Variants in ASAP1 observed in about 807,000 individuals in gnomAD.
ASAP1 encodes the protein ArfGAP with SH3 domain, ankyrin repeat and PH domain 1.
ASAP1 carries 43 observed loss-of-function variants against 145.2 expected under a neutral mutation model. The ratio of observed to expected loss-of-function variants is 0.30; its 90% CI spans 0.23 to 0.38. The LOEUF (loss-of-function observed/expected upper bound fraction) is 0.38. Ranked by LOEUF, ASAP1 falls within the 10% of genes least tolerant of loss-of-function variation. The probability of loss-of-function intolerance (pLI) is 1.00; values close to 1 mark genes in which losing one functional copy is unlikely to be tolerated. For missense variants in ASAP1, 1,018 were observed against 1,355.3 expected, an observed-to-expected ratio of 0.75 and a Z score of 3.91; for synonymous variants, 546 against 515.5, an observed-to-expected ratio of 1.06 and a Z score of -0.80.
At chr8:130,095,073 TTAAG>T (rs1443152318) in intron 24 of ASAP1, among the ~76,000 whole-genome samples, 2 of 152,168 alleles carry the variant, frequency 1.3e-5, no homozygotes, top group African/African-American at 4.8e-5. Flanking sequence ...ATTTCAAAAA[TTAAG>T]TAATTGTGCG....
intron 2 of ASAP1, among the ~76,000 whole-genome samples, chr8:130,394,177 C>T (rs188751076): frequency 8.5e-5 from 13 of 152,296 alleles, no homozygotes; most frequent in Admixed American, 1.3e-4. Flanking sequence ...CTTTGACCAC[C>T]GGTGAGCTGG....
chr8:130,404,926 T>C (rs73425591), intron 1 of ASAP1, among the ~76,000 whole-genome samples: 16 of 152,104 alleles, frequency 1.1e-4, no homozygotes, highest in Middle Eastern at 3.4e-3. Flanking sequence ...TAGTCTGAAC[T>C]CAGATCAAAG....
chr8:130,140,689 A>T (rs567018479), intron 13 of ASAP1, among the ~76,000 whole-genome samples: 1 of 152,320 alleles, frequency 6.6e-6, no homozygotes, highest in African/African-American at 2.4e-5. Flanking sequence ...GACTTTTGCT[A>T]CATTAACATG....
Position 130,378,210 on chromosome 8 carries a change from C to T in ASAP1, c.60-20067G>A, listed in dbSNP as rs560666577. ...TAATAGGGTGGCCATGAGGATTAAA[C>T]GAGAGTGCCTCAATGCTGACAAATA... On this transcript the variant is annotated intron_variant, in intron 2 of 29. Transcript: ENST00000518721. Among the ~76,000 whole-genome samples, 46 of 152,286 alleles carry T rather than the reference C, an allele frequency of 3.0e-4. No individual in the cohort carries two copies. In the South Asian group the frequency reaches 8.7e-3, roughly 29 times the overall value.
intron 7 of ASAP1, among the ~76,000 whole-genome samples, chr8:130,182,740 A>G (rs555002025): frequency 6.6e-6 from 1 of 152,018 alleles, no homozygotes; most frequent in Non-Finnish European, 1.5e-5. Context: ...CAGAGGCACT[A>G]AGGAAGCAGA....
In ASAP1 at chr8:130,099,012, C is replaced by CTTTT. The variant is rs61047760; in HGVS notation, c.2402-6873_2402-6870dup. Among the ~76,000 whole-genome samples the CTTTT allele has an allele frequency of 2.0e-3, 229 of 116,090 alleles. 10 individuals are homozygous for CTTTT. Among genetic ancestry groups the CTTTT allele is most frequent in the African/African-American group, 1.6e-3 (51 of 31,428 alleles). 76.2% of individuals were successfully genotyped at this position (116,090 alleles called of 152,430 possible). On this transcript the variant is annotated intron_variant, in intron 24 of 29. Transcript: ENST00000518721. ...GCTCAATACTCTCTACTAATATAAG[C>CTTTT]TTTTTTTTTTTTTTTTTTGAGACAG...
At chr8:130,062,955 A>G (rs2097422544) in intron 27 of ASAP1, among the ~76,000 whole-genome samples, 1 of 152,180 alleles carries the variant, frequency 6.6e-6, no homozygotes, top group Non-Finnish European at 1.5e-5. Context: ...CCTGGGTGAC[A>G]GAGTGAGACT....
At chr8:130,282,095 G>A (rs1301451706) in intron 3 of ASAP1, among the ~76,000 whole-genome samples, 1 of 149,068 alleles carries the variant, frequency 6.7e-6, no homozygotes, top group Non-Finnish European at 1.5e-5. Context: ...GGAATGGCAT[G>A]GCAAAAATCG....
chr8:130,401,502 C>T (rs1407773589), intron 2 of ASAP1, among the ~76,000 whole-genome samples: 1 of 152,128 alleles, frequency 6.6e-6, no homozygotes, highest in East Asian at 1.9e-4. Flanking sequence ...ACCTCAGCCT[C>T]CTAAAGTGCT....
At chr8:130,055,535 TAAAA>T (rs5895033) in intron 29 of ASAP1, among the ~76,000 whole-genome samples, 2 of 121,568 alleles carry the variant, frequency 1.6e-5, no homozygotes. Flanking sequence ...TTCTAGCCAG[TAAAA>T]AAAAAAAAAA....
At chr8:130,431,386 C>T (rs1237133529) in intron 1 of ASAP1, among the ~76,000 whole-genome samples, 1 of 152,204 alleles carries the variant, frequency 6.6e-6, no homozygotes, top group Non-Finnish European at 1.5e-5. Flanking sequence ...GCTCCTGCCT[C>T]CTGCTCTGAC....
intron 1 of ASAP1, among the ~76,000 whole-genome samples, chr8:130,423,796 C>T (rs942339269): frequency 6.6e-5 from 10 of 151,926 alleles, no homozygotes; most frequent in Non-Finnish European, 1.3e-4. Context: ...TTTATCTTTT[C>T]TTGTTCTTTC....
chr8:130,407,261 C>A (rs539693210), intron 1 of ASAP1, among the ~76,000 whole-genome samples: 17 of 152,262 alleles, frequency 1.1e-4, no homozygotes, highest in East Asian at 3.9e-4. Flanking sequence ...CACTAAGGGA[C>A]CTTCTGAGAG....
At chr8:130,296,226 G>A (rs1276128949) in intron 3 of ASAP1, among the ~76,000 whole-genome samples, 3 of 152,204 alleles carry the variant, frequency 2.0e-5, no homozygotes, top group Admixed American at 6.5e-5. Flanking sequence ...TCCCCACTCT[G>A]GGGATGATGT....
At chr8:130,344,129 T>C (rs886900302) in intron 3 of ASAP1, among the ~76,000 whole-genome samples, 2 of 152,134 alleles carry the variant, frequency 1.3e-5, no homozygotes, top group African/African-American at 4.8e-5. Context: ...ATCCATACTA[T>C]GGGAAACTAC....
intron 22 of ASAP1, 56 bp downstream of exon 22, chr8:130,116,622 T>C: frequency 1.4e-6 from 2 of 1,451,462 alleles, no homozygotes; most frequent in Non-Finnish European, 9.6e-7. Flanking sequence ...CTTCTCAGAA[T>C]GACACTTTTA....
At chr8:130,433,769 G>A (rs1165801523) in intron 1 of ASAP1, among the ~76,000 whole-genome samples, 3 of 152,146 alleles carry the variant, frequency 2.0e-5, no homozygotes, top group South Asian at 2.1e-4. Flanking sequence ...TACCAGTTAC[G>A]TGCCAGGCAC....
In ASAP1 at chr8:130,180,760, T is replaced by G. The variant is rs1243000261; in HGVS notation, c.651A>C (p.Gln217His). Reference sequence around the variant, plus strand: ...AAAAGTCCATTCTTACTTCACACATTTGGAGCTGAAAGAGGCGCCTTTCCT... The same window carrying G: ...AAAAGTCCATTCTTACTTCACACATGTGGAGCTGAAAGAGGCGCCTTTCCT... ...MEKERRLFQL[Q>H]MCEYLIKVNE... Residue 217 changes from glutamine to histidine, a missense_variant, in exon 8 of 30, where the codon CAA becomes CAC. Coordinates refer to ENST00000518721, the MANE Select transcript of ASAP1 (RefSeq NM_018482.4). 1 of 1,610,738 alleles carries G rather than the reference T, an allele frequency of 6.2e-7. No homozygotes were observed. Among genetic ancestry groups the G allele is most frequent in the African/African-American group, 1.3e-5 (1 of 74,554 alleles).
chr8:130,310,593 C>T (rs1234865078), intron 3 of ASAP1, among the ~76,000 whole-genome samples: 1 of 151,904 alleles, frequency 6.6e-6, no homozygotes, highest in Non-Finnish European at 1.5e-5. Flanking sequence ...TTAACTAAAC[C>T]ACAAAGTCCT....
Sources: allele counts gnomAD v4.1 joint callset (sites outside exome capture counted in the v4.1 genomes callset), GRCh38; gene constraint gnomAD v4.1.1; transcripts MANE v1.5; gene names NCBI Gene and HGNC (gene_info 2026-07-23, HGNC 2026-07-21).